Variants in THNSL1 observed in about 807,000 individuals in gnomAD.
THNSL1 encodes the protein threonine synthase like 1, also known as threonine synthase-like 1.
Under a neutral mutation model 50.4 loss-of-function variants are expected in THNSL1, and 48 were observed. The ratio of observed to expected loss-of-function variants is 0.95; its 90% CI spans 0.76 to 1.21. The LOEUF is 1.21. THNSL1 is among the 50% of genes most tolerant of loss of function. The pLI is 0.00. For missense variants in THNSL1, 896 were observed against 871.7 expected, an observed-to-expected ratio of 1.03 and a Z score of -0.35; for synonymous variants, 309 against 306.1, an observed-to-expected ratio of 1.01 and a Z score of -0.10.
chr10:24,968,688 T>C, the THNSL1 span, among the ~76,000 whole-genome samples: 1 of 152,174 alleles, frequency 6.6e-6, no homozygotes, highest in African/African-American at 2.4e-5. Context: ...CCTGAAAAGA[T>C]TTGATGGTGG....
chr10:24,994,336 CTTT>C, the THNSL1 span, among the ~76,000 whole-genome samples: 4 of 137,660 alleles, frequency 2.9e-5, no homozygotes, highest in Non-Finnish European at 4.7e-5. Flanking sequence ...ATTCTGCACT[CTTT>C]TTTTTTTTTT....
chr10:25,023,741 T>C lies in THNSL1; in HGVS notation c.518T>C (p.Ile173Thr). The change falls in exon 3 of 3, where the codon ATT (isoleucine) becomes ACT (threonine). Residue 173 changes from isoleucine (I) to threonine (T), a missense_variant. Coordinates refer to ENST00000376356, the MANE Select transcript of THNSL1 (RefSeq NM_024838.5). ...CTAAAATTAATGAAGACAGATAGGA[T>C]TGTAGGTCAGAATTCTGGAACATCT... ...CRLKLMKTDRIVGQNSGTSMK... is the reference protein window; with the variant it reads ...CRLKLMKTDRTVGQNSGTSMK... The C allele has an allele frequency of 2.5e-6, 4 of 1,613,866 alleles. No homozygotes were observed. The highest frequency in any genetic ancestry group is 3.4e-6 in the Non-Finnish European group (4 of 1,179,970).
upstream of THNSL1, chr10:25,015,791 T>C (rs906589564): frequency 7.3e-7 from 1 of 1,374,638 alleles, no homozygotes; most frequent in Non-Finnish European, 9.8e-7. Flanking sequence ...TTCCAGTATA[T>C]GTATGCTTAA....
chr10:24,997,647 C>T, the THNSL1 span, among the ~76,000 whole-genome samples: 2 of 152,026 alleles, frequency 1.3e-5, no homozygotes, highest in Non-Finnish European at 2.9e-5. Context: ...TCTTGGCCTC[C>T]CAAAGTGCTG....
rs1482210012 is a variant in THNSL1, at chr10:25,023,750, A to G, written c.527A>G (p.Gln176Arg). 12 of 1,613,906 alleles carry G rather than the reference A, an allele frequency of 7.4e-6. No individual in the cohort carries two copies. The highest frequency in any genetic ancestry group is 9.3e-6 in the Non-Finnish European group (11 of 1,180,002). ...ATGAAGACAGATAGGATTGTAGGTC[A>G]GAATTCTGGAACATCTATGAAAGAC... ...KLMKTDRIVGQNSGTSMKDLL... is the reference protein window; with the variant it reads ...KLMKTDRIVGRNSGTSMKDLL... Residue 176 changes from glutamine (Q) to arginine (R), a missense_variant, in exon 3 of 3, where the codon CAG (glutamine) becomes CGG (arginine). Physicochemically the swap from Gln to Arg is conservative, Grantham distance 43. Transcript: ENST00000376356.
the THNSL1 span, among the ~76,000 whole-genome samples, chr10:24,971,538 A>G: frequency 0.044 from 6,714 of 152,280 alleles, 386 homozygotes; most frequent in African/African-American, 0.13. Flanking sequence ...GAAGAAGGGA[A>G]CAAATGTGAC....
the THNSL1 span, chr10:24,983,265 C>T: frequency 2.6e-5 from 4 of 152,230 alleles, no homozygotes; most frequent in South Asian, 2.1e-4. Flanking sequence ...GCGATGCAAA[C>T]GGGAATGATA....
the THNSL1 span, among the ~76,000 whole-genome samples, chr10:24,969,622 A>T: frequency 6.6e-6 from 1 of 151,678 alleles, no homozygotes; most frequent in Admixed American, 6.5e-5. Flanking sequence ...CAAAAATACA[A>T]ATAAGAGCAG....
At chr10:24,996,883 A>AGG in the THNSL1 span, among the ~76,000 whole-genome samples, 2 of 152,228 alleles carry the variant, frequency 1.3e-5, no homozygotes, top group Admixed American at 1.3e-4. Flanking sequence ...ATTTGTAGAA[A>AGG]GGTCTTTAAA....
the THNSL1 span, among the ~76,000 whole-genome samples, chr10:24,988,672 A>G: frequency 0.11 from 97 of 904 alleles, no homozygotes; most frequent in African/African-American, 0.18. Flanking sequence ...ATGTATATAT[A>G]TATATATATA....
At chr10:24,979,523 C>A in the THNSL1 span, among the ~76,000 whole-genome samples, 2 of 152,106 alleles carry the variant, frequency 1.3e-5, no homozygotes, top group Non-Finnish European at 2.9e-5. Context: ...TTTCTTTTGA[C>A]CTCTCTGGAC....
At chr10:24,989,896 T>G in the THNSL1 span, among the ~76,000 whole-genome samples, 1 of 152,174 alleles carries the variant, frequency 6.6e-6, no homozygotes, top group Non-Finnish European at 1.5e-5. Flanking sequence ...CCCCCTAATA[T>G]TTTAAATGCT....
the THNSL1 span, among the ~76,000 whole-genome samples, chr10:24,995,221 G>T: frequency 6.6e-6 from 1 of 152,228 alleles, no homozygotes; most frequent in East Asian, 1.9e-4. Flanking sequence ...TGGCTCTAAA[G>T]CTGCATTCTG....
chr10:24,964,480 T>C, the THNSL1 span, among the ~76,000 whole-genome samples: 1 of 152,218 alleles, frequency 6.6e-6, no homozygotes, highest in Admixed American at 6.5e-5. Flanking sequence ...ATAAGTTAAA[T>C]GAAGCTCAGG....
At position 25,024,061 on chromosome 10, in the gene THNSL1, T is replaced by G. The variant is rs181530007; in HGVS notation, c.838T>G (p.Trp280Gly). The change falls in exon 3 of 3, where the codon TGG becomes GGG. Residue 280 changes from tryptophan to glycine, a missense_variant. Transcript: ENST00000376356. Reference sequence around the variant, plus strand: ...GTTTCCAAAATTAAGCTGCGGGGAGTGGAAAAGCCTAGTAGGAGCAACCTA... The same window carrying G: ...GTTTCCAAAATTAAGCTGCGGGGAGGGGAAAAGCCTAGTAGGAGCAACCTA... ...KEFPKLSCGE[W>G]KSLVGATYVE... 37 of 1,613,932 alleles carry G rather than the reference T, an allele frequency of 2.3e-5. No individual in the cohort carries two copies. The Admixed American group carries it at 5.2e-4, about 23-fold the overall frequency.
chr10:24,994,518 G>A, the THNSL1 span, among the ~76,000 whole-genome samples: 1 of 151,624 alleles, frequency 6.6e-6, no homozygotes, highest in African/African-American at 2.4e-5. Flanking sequence ...ATTTTTAGTA[G>A]AGATGGGGTG....
the THNSL1 span, among the ~76,000 whole-genome samples, chr10:24,975,620 C>T: frequency 2.6e-5 from 4 of 152,058 alleles, no homozygotes; most frequent in Non-Finnish European, 5.9e-5. Context: ...TTATAAGGGG[C>T]TCTTCCCCTT....
At chr10:24,999,911 A>G in the THNSL1 span, among the ~76,000 whole-genome samples, 2 of 152,172 alleles carry the variant, frequency 1.3e-5, no homozygotes, top group African/African-American at 4.8e-5. Context: ...ATCTTCTTAT[A>G]GAACCAGAAT....
At chr10:24,994,211 TTTTTTCTTTATCTCTCTTCC>T in the THNSL1 span, among the ~76,000 whole-genome samples, 1 of 152,122 alleles carries the variant, frequency 6.6e-6, no homozygotes, top group Non-Finnish European at 1.5e-5. Flanking sequence ...TTTCTTTTCT[TTTTTTCTTTATCTCTCTTCC>T]TTTTTCTTTA....
Sources: allele counts gnomAD v4.1 joint callset (sites outside exome capture counted in the v4.1 genomes callset), GRCh38; gene constraint gnomAD v4.1.1; transcripts MANE v1.5; gene names NCBI Gene and HGNC (gene_info 2026-07-23, HGNC 2026-07-21).